AGBL1: variants seen among roughly 807,000 people sequenced by gnomAD.
AGBL1 encodes the protein cytosolic carboxypeptidase 4.
In AGBL1, 130 loss-of-function variants were observed where a neutral mutation model predicts 118.9. The ratio of observed to expected loss-of-function variants is 1.09; its 90% confidence interval spans 0.95 to 1.26. AGBL1 has a LOEUF of 1.26. Among genes scored for constraint, AGBL1 ranks in the 50% most tolerant of loss-of-function variants. AGBL1 has a pLI of 0.00. For synonymous variants in AGBL1, 555 were observed against 478.9 expected (o/e 1.16, Z -2.08); for missense variants, 1,584 against 1,298.1 (o/e 1.22, Z -3.38).
rs1049496777 is a variant in AGBL1, at chr15:86,160,572, G to A, written c.488+1546G>A. Among the ~76,000 whole-genome samples, 87 of 152,186 alleles carry A rather than the reference G, an allele frequency of 5.7e-4. 1 individual carries two copies. Among genetic ancestry groups the A allele is most frequent in the Non-Finnish European group, 1.6e-4 (11 of 68,042 alleles). On this transcript the variant is annotated intron_variant, in intron 5 of 22. Transcript: ENST00000614907. ...GGATATGTCTCATTTTTATCATTGT[G>A]TGCAGGCCTTTGCTGCTGACATCTG...
chr15:86,854,161 T>TA (rs1422539351), intron 22 of AGBL1, among the ~76,000 whole-genome samples: 1 of 152,214 alleles, frequency 6.6e-6, no homozygotes, highest in Non-Finnish European at 1.5e-5. Flanking sequence ...GTGTCTCACT[T>TA]ACACTCCTTT....
intron 21 of AGBL1, among the ~76,000 whole-genome samples, chr15:86,653,466 T>G (rs569993423): frequency 1.3e-5 from 2 of 152,214 alleles, no homozygotes; most frequent in Admixed American, 6.5e-5. Flanking sequence ...AATAATCCAA[T>G]AAAACCTTCA....
At chr15:86,987,003 G>T (rs1437266526) in intron 23 of AGBL1, among the ~76,000 whole-genome samples, 3 of 152,018 alleles carry the variant, frequency 2.0e-5, no homozygotes, top group Non-Finnish European at 4.4e-5. Context: ...AGGAGTGGGG[G>T]TCACAAGGTG....
rs147637726 is a variant in AGBL1 at position 86,945,945 on chromosome 15, C to A, written c.3222-42042C>A. On this transcript the variant is annotated intron_variant, in intron 23 of 24. Coordinates refer to the AGBL1 transcript ENST00000441037. Reference sequence around the variant, plus strand: ...TAGCACTTTCACATTAAAGTGCCTTCATGTGCGTTATCTGATTTCATCTAC... The same window carrying A: ...TAGCACTTTCACATTAAAGTGCCTTAATGTGCGTTATCTGATTTCATCTAC... Among the ~76,000 whole-genome samples the A allele has an allele frequency of 3.3e-5, 5 of 152,294 alleles. No homozygotes were observed. In the East Asian group the frequency reaches 9.7e-4, roughly 29 times the overall value.
At chr15:86,500,392 G>C (rs979421816) in intron 18 of AGBL1, among the ~76,000 whole-genome samples, 1 of 151,808 alleles carries the variant, frequency 6.6e-6, no homozygotes, top group African/African-American at 2.4e-5. Context: ...TTCTAGTATG[G>C]AAATAGGTAG....
At chr15:86,148,672 G>A (rs2077064503) in intron 3 of AGBL1, among the ~76,000 whole-genome samples, 1 of 152,160 alleles carries the variant, frequency 6.6e-6, no homozygotes, top group African/African-American at 2.4e-5. Flanking sequence ...GAAAGTGATG[G>A]GGAGAAAGGA....
intron 21 of AGBL1, among the ~76,000 whole-genome samples, chr15:86,591,279 T>C (rs725255): frequency 0.34 from 51,559 of 151,982 alleles, 9,829 homozygotes; most frequent in Middle Eastern, 0.44. Context: ...ATTACATGAG[T>C]AAGGGTTTTT....
chr15:86,778,396 C>G (rs913449906), intron 22 of AGBL1, among the ~76,000 whole-genome samples: 22 of 152,248 alleles, frequency 1.4e-4, no homozygotes, highest in African/African-American at 5.1e-4. Context: ...ATTTCCTTGT[C>G]CTAATAAGAC....
At chr15:86,777,301 T>C (rs1244800429) in intron 22 of AGBL1, among the ~76,000 whole-genome samples, 1 of 152,068 alleles carries the variant, frequency 6.6e-6, no homozygotes, top group Non-Finnish European at 1.5e-5. Flanking sequence ...TTATAATTAC[T>C]TACTGGTGAA....
intron 5 of AGBL1, among the ~76,000 whole-genome samples, chr15:86,184,769 G>T (rs6496311): frequency 0.31 from 46,413 of 151,836 alleles, 8,584 homozygotes; most frequent in Non-Finnish European, 0.42. Context: ...TTTCTTCACA[G>T]AATTGGAAAA....
At chr15:86,462,792 C>G (rs1451109225) in intron 18 of AGBL1, among the ~76,000 whole-genome samples, 1 of 152,140 alleles carries the variant, frequency 6.6e-6, no homozygotes, top group Non-Finnish European at 1.5e-5. Context: ...GCATAATATT[C>G]CATGGTGTAT....
chr15:86,986,843 T>C (rs2081288844), intron 23 of AGBL1, among the ~76,000 whole-genome samples: 1 of 152,172 alleles, frequency 6.6e-6, no homozygotes, highest in African/African-American at 2.4e-5. Flanking sequence ...ACAGGCTTTG[T>C]GTGAGCAAGG....
At chr15:86,230,941 A>G (rs1472995577) in intron 6 of AGBL1, among the ~76,000 whole-genome samples, 1 of 152,194 alleles carries the variant, frequency 6.6e-6, no homozygotes, top group Non-Finnish European at 1.5e-5. Flanking sequence ...ACAGAAAACT[A>G]TTGATCTTAC....
At chr15:86,617,114 C>T (rs2084739357) in intron 21 of AGBL1, among the ~76,000 whole-genome samples, 1 of 152,190 alleles carries the variant, frequency 6.6e-6, no homozygotes, top group Non-Finnish European at 1.5e-5. Context: ...TAGCAAAGTA[C>T]CTTTGGCCTG....
chr15:86,233,117 A>C (rs986918418), intron 6 of AGBL1, among the ~76,000 whole-genome samples: 1 of 152,210 alleles, frequency 6.6e-6, no homozygotes, highest in African/African-American at 2.4e-5. Context: ...CGAAGAGCTA[A>C]AATTTGAACT....
Position 86,817,463 on chromosome 15 carries a change from TAC to T in AGBL1, c.3159-89596_3159-89595del, listed in dbSNP as rs143498374. Among the ~76,000 whole-genome samples, 926 of 133,392 alleles carry T rather than the reference TAC, an allele frequency of 6.9e-3. 11 individuals carry two copies. Among genetic ancestry groups the T allele is most frequent in the African/African-American group, 0.016 (561 of 34,390 alleles). 87.5% of individuals were successfully genotyped at this position (133,392 alleles called of 152,430 possible). On this transcript the variant is annotated intron_variant, in intron 22 of 22. Transcript: ENST00000614907. ...CAAGTGTGTGTGTGTCTCTGAGAGA[TAC>T]ACACACACACACACACACACACACA... is the stretch of plus-strand genomic sequence containing the variant.
At chr15:86,798,857 G>A (rs1040394675) in intron 22 of AGBL1, among the ~76,000 whole-genome samples, 3 of 151,716 alleles carry the variant, frequency 2.0e-5, no homozygotes, top group East Asian at 1.9e-4. Context: ...TCGTTTGTCC[G>A]TTTTTGATTA....
intron 22 of AGBL1, among the ~76,000 whole-genome samples, chr15:86,803,338 A>G (rs1401815067): frequency 3.3e-5 from 5 of 152,116 alleles, no homozygotes; most frequent in African/African-American, 1.2e-4. Flanking sequence ...CCATGTGAAG[A>G]AAGTCCTTGC....
At chr15:86,132,663 A>T (rs1363115494) in intron 1 of AGBL1, among the ~76,000 whole-genome samples, 2 of 152,180 alleles carry the variant, frequency 1.3e-5, no homozygotes, top group African/African-American at 2.4e-5. Flanking sequence ...CCTTTTAGGC[A>T]TGTGAGGTTG....
Sources: gnomAD v4.1 joint callset for allele counts (sites outside exome capture counted in the v4.1 genomes callset) on GRCh38, gnomAD v4.1.1 for gene constraint, MANE v1.5 for transcripts, NCBI Gene and HGNC (gene_info 2026-07-23, HGNC 2026-07-21) for gene names.